The following PSIP1 variants were observed in gnomAD, a reference collection of about 807,000 sequenced individuals.
The protein encoded by PSIP1 is PC4 and SFRS1-interacting protein.
Under a neutral mutation model 74.7 loss-of-function variants are expected in PSIP1, and 19 were observed. The observed-to-expected ratio is 0.25, with a 90% CI of 0.18 to 0.37. PSIP1 has a LOEUF of 0.37. Among genes scored for constraint, PSIP1 ranks in the 10% least tolerant of loss-of-function variants. The pLI is 1.00. For missense variants in PSIP1, 601 were observed against 614.3 expected (o/e 0.98, Z 0.23); for synonymous variants, 222 against 195.3 (o/e 1.14, Z -1.14).
intron 3 of PSIP1, among the ~76,000 whole-genome samples, chr9:15,499,270 A>C (rs193059838): frequency 8.0e-4 from 122 of 152,350 alleles, no homozygotes; most frequent in Non-Finnish European, 1.1e-3. Context: ...GTACGAACTC[A>C]GACCTCAAAT....
At chr9:15,481,810 C>T (rs1247452123) in intron 6 of PSIP1, among the ~76,000 whole-genome samples, 2 of 152,132 alleles carry the variant, frequency 1.3e-5, no homozygotes, top group South Asian at 2.1e-4. Flanking sequence ...CTACCATGCA[C>T]GTGTGTTCAT....
chr9:15,510,294 C>A lies in PSIP1; in HGVS notation c.-106G>T, dbSNP rs1313957106. On this transcript the variant is annotated 5_prime_UTR_variant, in exon 2 of 16. Transcript: ENST00000380733. ...CGGGCCCAGCTACCGGGCCCGCGGG[C>A]GGGGGAGGATGCCTCGGGGCGTCCC... is the stretch of plus-strand genomic sequence containing the variant. 3 of 821,166 alleles carry A rather than the reference C, an allele frequency of 3.7e-6. No individual in the cohort carries two copies. The highest frequency in any genetic ancestry group is 1.9e-5 in the African/African-American group (1 of 52,832). The allele number at this position is 821,166 out of a possible 1,614,324, so 50.9% of individuals were successfully genotyped here. A position where few individuals can be genotyped will look rare whatever the true frequency, so the allele number is the denominator to read the frequency against.
intron 6 of PSIP1, among the ~76,000 whole-genome samples, chr9:15,483,439 T>TA (rs1333958427): frequency 6.6e-6 from 1 of 151,830 alleles, no homozygotes; most frequent in Non-Finnish European, 1.5e-5. Context: ...CTACACCACT[T>TA]AAAAAATCTA....
At chr9:15,476,526 G>C (rs741930) in intron 8 of PSIP1, among the ~76,000 whole-genome samples, 1 of 152,046 alleles carries the variant, frequency 6.6e-6, no homozygotes, top group Non-Finnish European at 1.5e-5. Context: ...TGAGGATGTA[G>C]GACTTTCAAA....
intron 3 of PSIP1, among the ~76,000 whole-genome samples, chr9:15,496,978 T>C (rs575921511): frequency 6.6e-6 from 1 of 152,300 alleles, no homozygotes; most frequent in African/African-American, 2.4e-5. Context: ...CTGGTGGGAA[T>C]GTTAAACGGT....
At chr9:15,493,089 T>C (rs2036910947) in intron 3 of PSIP1, among the ~76,000 whole-genome samples, 1 of 152,224 alleles carries the variant, frequency 6.6e-6, no homozygotes, top group Non-Finnish European at 1.5e-5. Context: ...AATTTCTCCC[T>C]AGAAAATGGG....
chr9:15,510,359 G>A (rs1390010227), intron 1 of PSIP1, 30 bp from the exon 2 acceptor site: 7 of 142,196 alleles, frequency 4.9e-5, no homozygotes, highest in Admixed American at 4.0e-4. Flanking sequence ...CGGTTAAAGC[G>A]AAGAACCCCG....
chr9:15,468,181 TCAG>T (rs1406971596), intron 14 of PSIP1, among the ~76,000 whole-genome samples: 5 of 151,236 alleles, frequency 3.3e-5, no homozygotes, highest in African/African-American at 4.9e-5. Flanking sequence ...TCAGGGTAAC[TCAG>T]CAGCATCATC....
chr9:15,499,111 A>G (rs2037213962), intron 3 of PSIP1, among the ~76,000 whole-genome samples: 2 of 152,238 alleles, frequency 1.3e-5, no homozygotes, highest in South Asian at 4.1e-4. Context: ...AAATTCAAAA[A>G]GACTGACTCA....
chr9:15,510,966 C>G lies in PSIP1; in HGVS notation c.-291G>C, dbSNP rs887640898. On this transcript the variant is annotated 5_prime_UTR_variant, in exon 1 of 16. Coordinates refer to ENST00000380733, the MANE Select transcript of PSIP1 (RefSeq NM_033222.5). ...CGCCGCTGCCGCCGCCGTAGCTGCG[C>G]TGCTCCCGCGCGGCTCCCGCTCGGC... is the stretch of plus-strand genomic sequence containing the variant. 2 of 152,926 alleles carry G rather than the reference C, an allele frequency of 1.3e-5. No homozygotes were observed. Among genetic ancestry groups the G allele is most frequent in the Non-Finnish European group, 2.9e-5 (2 of 68,340 alleles). 9.5% of individuals were successfully genotyped at this position (152,926 alleles called of 1,614,324 possible). A position where few individuals can be genotyped will look rare whatever the true frequency, so the allele number is the denominator to read the frequency against.
chr9:15,469,839 A>C (rs1044501633), intron 11 of PSIP1, 99 bp downstream of exon 11: 23 of 944,172 alleles, frequency 2.4e-5, no homozygotes, highest in Non-Finnish European at 3.4e-5. Context: ...GTAGGATATG[A>C]GTATAAAATT....
chr9:15,498,982 T>C (rs1260684216), intron 3 of PSIP1, among the ~76,000 whole-genome samples: 3 of 152,316 alleles, frequency 2.0e-5, no homozygotes, highest in Non-Finnish European at 4.4e-5. Flanking sequence ...CCTTCTATAT[T>C]GTTTTTTAAA....
At chr9:15,506,761 A>G in intron 2 of PSIP1, 124 bp from the exon 3 acceptor site, 1 of 643,740 alleles carries the variant, frequency 1.6e-6, no homozygotes, top group Non-Finnish European at 2.4e-6. Context: ...CTGCAGGCCC[A>G]TAATCTCCTA....
At chr9:15,497,941 TTAAAA>T (rs1464710844) in intron 3 of PSIP1, among the ~76,000 whole-genome samples, 2 of 152,178 alleles carry the variant, frequency 1.3e-5, no homozygotes, top group African/African-American at 2.4e-5. Flanking sequence ...CCTCTTTAAA[TTAAAA>T]TGAGTATCTT....
chr9:15,474,309 A>C, intron 8 of PSIP1, 72 bp from the exon 9 acceptor site: 1 of 1,320,654 alleles, frequency 7.6e-7, no homozygotes, highest in African/African-American at 1.5e-5. Context: ...AGTAAGCTAT[A>C]ATTTTTAATT....
At chr9:15,467,199 T>C (rs1453519748) in intron 14 of PSIP1, among the ~76,000 whole-genome samples, 1 of 152,242 alleles carries the variant, frequency 6.6e-6, no homozygotes, top group East Asian at 1.9e-4. Context: ...TTGTAATTCT[T>C]AGCATATTCA....
intron 8 of PSIP1, among the ~76,000 whole-genome samples, chr9:15,475,162 T>C (rs1037864084): frequency 6.6e-6 from 1 of 152,210 alleles, no homozygotes; most frequent in Admixed American, 6.5e-5. Flanking sequence ...TTTGCCCCTT[T>C]AGAAACTTTT....
At chr9:15,473,923 AAAACAAAAAAAAAACAAAG>A in intron 9 of PSIP1, 67 bp downstream of exon 9, 1 of 797,208 alleles carries the variant, frequency 1.3e-6, no homozygotes, top group South Asian at 3.3e-5. Flanking sequence ...AACAAAAAAA[AAAACAAAAAAAAAACAAAG>A]AAAAAACAAA....
At position 15,469,971 on chromosome 9, in the gene PSIP1, T is replaced by G. The variant is rs754745423; in HGVS notation, c.1000A>C (p.Lys334Gln). Residue 334 changes from lysine (K) to glutamine (Q), a missense_variant, in exon 11 of 16, where the codon AAG (lysine) becomes CAG (glutamine). Lys to Gln is a moderately conservative substitution (Grantham distance 53). This residue lies in a region of PSIP1 where 538 missense variants were observed against 507.6 expected (regional missense o/e 1.06). Coordinates refer to ENST00000380733, the MANE Select transcript of PSIP1 (RefSeq NM_033222.5). ...TEQQNKDEGK[K>Q]PEVKKVEKKR... ...TTCTCCACTTTCTTAACTTCTGGCT[T>G]CTTTCCTTCATCTTTATTCTGCCTA... 4 of 1,607,956 alleles carry G rather than the reference T, an allele frequency of 2.5e-6. No individual in the cohort carries two copies. Among genetic ancestry groups the G allele is most frequent in the Admixed American group, 3.3e-5 (2 of 59,964 alleles).
Sources: allele counts gnomAD v4.1 joint callset (sites outside exome capture counted in the v4.1 genomes callset), GRCh38; gene constraint gnomAD v4.1.1; regional missense constraint gnomAD v4.1.1; transcripts MANE v1.5; gene names NCBI Gene and HGNC (gene_info 2026-07-23, HGNC 2026-07-21).